Variants in ZNF117 observed in about 807,000 individuals in gnomAD.
The protein encoded by ZNF117 is zinc finger protein 117, also known as Krueppel-related zinc finger protein.
A neutral mutation model predicts 41.2 loss-of-function variants in ZNF117; 37 were observed. The observed-to-expected ratio is 0.90, with a 90% CI of 0.69 to 1.18. The LOEUF (loss-of-function observed/expected upper bound fraction) is 1.18, where lower values mean the gene tolerates loss of function less well. Ranked by LOEUF, ZNF117 falls within the 50% of genes most tolerant of loss-of-function variation. ZNF117 has a pLI of 0.00. For missense variants in ZNF117, 546 were observed against 557.5 expected (o/e 0.98, Z 0.21); for synonymous variants, 186 against 186.6 (o/e 1.00, Z 0.02).
At chr7:64,972,930 T>A (rs576434739), downstream of ZNF117, 3 of 152,182 alleles carry the variant, frequency 2.0e-5, no homozygotes, top group East Asian at 3.9e-4. Flanking sequence ...GGTAATGGCA[T>A]GAAAGACACT....
Position 64,979,728 on chromosome 7 carries a change from A to G in ZNF117, c.35-192T>C, listed in dbSNP as rs568050857. ...ACCAAAATGCATTTATAGAAAATTTATAAATGAGTTACGTGTGTGCAGTGT... is the reference window on the plus strand; with the variant it reads ...ACCAAAATGCATTTATAGAAAATTTGTAAATGAGTTACGTGTGTGCAGTGT... On this transcript the variant is annotated intron_variant, in intron 2 of 2. Transcript: ENST00000620222. 4.6e-5 allele frequency among the ~76,000 whole-genome samples: 7 copies of G among 152,168 alleles called. No homozygotes were observed. The East Asian group carries it at 1.4e-3, about 29-fold the overall frequency.
upstream of ZNF117, among the ~76,000 whole-genome samples, chr7:64,985,040 C>T (rs781327008): frequency 6.6e-6 from 1 of 152,198 alleles, no homozygotes; most frequent in African/African-American, 2.4e-5. Context: ...GATCCACCCA[C>T]CTTGGCATCC....
At chr7:64,976,022 G>A (rs1455328524) in exon 3 of ZNF117, 1 of 152,140 alleles carries the variant, frequency 6.6e-6, no homozygotes, top group Non-Finnish European at 1.5e-5. Context: ...CAAAGTTTGA[G>A]CACTGCTTCA....
At chr7:64,977,513 T>C (rs930823154) in exon 3 of ZNF117, 2 of 521,388 alleles carry the variant, frequency 3.8e-6, no homozygotes, top group Non-Finnish European at 7.6e-6. Context: ...TTCTTTTATG[T>C]ATAGTAAGAG....
downstream of ZNF117, chr7:64,973,091 G>A (rs1462983621): frequency 2.6e-5 from 4 of 151,958 alleles, no homozygotes; most frequent in East Asian, 5.8e-4. Context: ...GCTGACTATA[G>A]TTAGGTGACA....
exon 3 of ZNF117, chr7:64,977,722 C>T (rs1005987961): frequency 3.4e-6 from 3 of 888,434 alleles, no homozygotes; most frequent in African/African-American, 3.5e-5. Flanking sequence ...TTGCCACATT[C>T]TTCACATTTA....
At chr7:64,981,055 T>A (rs1345715482) in intron 2 of ZNF117, 3 of 270,908 alleles carry the variant, frequency 1.1e-5, no homozygotes, top group Non-Finnish European at 2.1e-5. Flanking sequence ...CTGTTTAACA[T>A]AGAGTTTCTC....
chr7:64,979,825 C>G, intron 2 of ZNF117: 1 of 216,524 alleles, frequency 4.6e-6, no homozygotes. Context: ...CAACACAGCT[C>G]TTTCTGCTCC....
intron 2 of ZNF117, 152 bp downstream of exon 3, chr7:64,981,235 T>C: frequency 1.1e-6 from 1 of 909,386 alleles, no homozygotes; most frequent in Non-Finnish European, 1.7e-6. Flanking sequence ...ATACAAAATA[T>C]GTTCTATGTG....
At chr7:64,976,071 G>C (rs951012750) in exon 3 of ZNF117, 1 of 152,118 alleles carries the variant, frequency 6.6e-6, no homozygotes, top group Non-Finnish European at 1.5e-5. Context: ...AATAAAATCT[G>C]TGATACAAAT....
exon 3 of ZNF117, chr7:64,976,009 G>C (rs1381635143): frequency 6.6e-6 from 1 of 152,126 alleles, no homozygotes; most frequent in Non-Finnish European, 1.5e-5. Context: ...CCCTGATGTT[G>C]ATCAAAGTTT....
At chr7:64,987,104 GACC>G (rs1786152631), upstream of ZNF117, among the ~76,000 whole-genome samples, 1 of 151,940 alleles carries the variant, frequency 6.6e-6, no homozygotes, top group Non-Finnish European at 1.5e-5. Flanking sequence ...CACACACTCT[GACC>G]ACAACTTGAT....
chr7:64,982,252 T>C, upstream of ZNF117: 1 of 377,048 alleles, frequency 2.7e-6, no homozygotes, highest in Non-Finnish European at 4.9e-6. Flanking sequence ...AATGAAACTA[T>C]CCATAAAAGA....
At chr7:64,979,631 G>T in intron 2 of ZNF117, 95 bp from the exon 4 acceptor site, 2 of 972,642 alleles carry the variant, frequency 2.1e-6, no homozygotes, top group South Asian at 3.1e-5. Flanking sequence ...AACTACATAA[G>T]CAAGATGGCA....
intron 1 of ZNF117, among the ~76,000 whole-genome samples, chr7:64,988,383 A>T (rs995805708): frequency 2.0e-5 from 3 of 152,220 alleles, no homozygotes; most frequent in Admixed American, 6.6e-5. Context: ...GATGCAGAAA[A>T]AGCTTTCAAG....
At chr7:64,984,830 G>A (rs1236511730), upstream of ZNF117, among the ~76,000 whole-genome samples, 1 of 151,814 alleles carries the variant, frequency 6.6e-6, no homozygotes, top group Non-Finnish European at 1.5e-5. Flanking sequence ...TCGCTCTATT[G>A]CCCAGGCTGG....
exon 3 of ZNF117, chr7:64,978,257 A>G: frequency 6.3e-7 from 1 of 1,595,536 alleles, no homozygotes; most frequent in East Asian, 2.3e-5. Flanking sequence ...CTCCAGTATG[A>G]ATTCTCTTAT....
chr7:64,979,170 A>T (rs752763784), exon 3 of ZNF117: 11 of 1,604,736 alleles, frequency 6.9e-6, no homozygotes, highest in Non-Finnish European at 9.4e-6. Context: ...GTAGAAATTC[A>T]CTCTAGTTTG....
At chr7:64,977,793 G>A in exon 3 of ZNF117, 1 of 977,882 alleles carries the variant, frequency 1.0e-6, no homozygotes, top group South Asian at 1.3e-5. Context: ...CTGGTTAAAA[G>A]CTTTTCCACA....
Sources: gnomAD v4.1 joint callset for allele counts (sites outside exome capture counted in the v4.1 genomes callset) on GRCh38, gnomAD v4.1.1 for gene constraint, MANE v1.5 for transcripts, NCBI Gene and HGNC (gene_info 2026-07-23, HGNC 2026-07-21) for gene names.